Variants in SHISA6 observed in about 807,000 individuals in gnomAD.
SHISA6 encodes the protein shisa family member 6.
In SHISA6, 22 loss-of-function variants were observed where a neutral mutation model predicts 47.9. The observed-to-expected ratio is 0.46, with a 90% confidence interval of 0.33 to 0.66. The LOEUF (loss-of-function observed/expected upper bound fraction) is 0.66, where lower values mean the gene tolerates loss of function less well. Ranked by LOEUF, SHISA6 falls within the 30% of genes least tolerant of loss-of-function variation. SHISA6 has a pLI of 0.02. For missense variants in SHISA6, 680 were observed against 764.6 expected (o/e 0.89, Z 1.30); for synonymous variants, 388 against 337.8 (o/e 1.15, Z -1.63).
At chr17:11,326,455 A>G (rs138793199) in intron 2 of SHISA6, among the ~76,000 whole-genome samples, 2 of 152,196 alleles carry the variant, frequency 1.3e-5, no homozygotes, top group East Asian at 1.9e-4. Context: ...TAAACTCTCA[A>G]TGATGTAAAT....
chr17:11,302,937 T>A (rs912132924), intron 2 of SHISA6, among the ~76,000 whole-genome samples: 2 of 152,142 alleles, frequency 1.3e-5, no homozygotes, highest in African/African-American at 4.8e-5. Context: ...TGCTGGAGTT[T>A]CATTGAAGGC....
At chr17:11,316,867 A>T (rs1376919484) in intron 2 of SHISA6, among the ~76,000 whole-genome samples, 1 of 152,202 alleles carries the variant, frequency 6.6e-6, no homozygotes, top group African/African-American at 2.4e-5. Context: ...TATTTTTTAA[A>T]TGATGTGTAA....
chr17:11,243,222 G>T (rs12936513), intron 1 of SHISA6, among the ~76,000 whole-genome samples: 111,924 of 151,010 alleles, frequency 0.74, 46,436 homozygotes, highest in Non-Finnish European at 0.91. Context: ...CTTCCTCGCT[G>T]CTGTGCACAT....
Position 11,558,248 on chromosome 17 carries a change from T to C in SHISA6, c.1600T>C (p.Tyr534His). The stretch of plus-strand genomic sequence containing the variant: ...ACACAACACGGTGGAGCAGCTGCAC[T>C]ACATCCCGGGCCACCACACCTGCTA... ...RRHNTVEQLHYIPGHHTCYTA... is the reference protein window; with the variant it reads ...RRHNTVEQLHHIPGHHTCYTA... The change falls in exon 6 of 6, where the codon TAC (tyrosine) becomes CAC (histidine). Residue 534 changes from tyrosine to histidine, a missense_variant. Physicochemically the swap from Tyr to His is moderately conservative, Grantham distance 83. Coordinates refer to ENST00000441885, the MANE Select transcript of SHISA6 (RefSeq NM_207386.4). 1 of 1,539,996 alleles carries C rather than the reference T, an allele frequency of 6.5e-7. No individual in the cohort carries two copies. The highest frequency in any genetic ancestry group is 8.7e-7 in the Non-Finnish European group (1 of 1,146,940).
chr17:11,248,750 A>G (rs183827605), intron 1 of SHISA6, among the ~76,000 whole-genome samples: 1 of 152,188 alleles, frequency 6.6e-6, no homozygotes, highest in Non-Finnish European at 1.5e-5. Flanking sequence ...GGTCTGAGTA[A>G]TGCGGACTAT....
In SHISA6 at chr17:11,241,433, G is replaced by GGCGCCTCCTGCTGCTGCTGCT; in HGVS notation, c.14_34dup (p.Arg5_Leu11dup). The GGCGCCTCCTGCTGCTGCTGCT allele has an allele frequency of 8.4e-7, 1 of 1,185,428 alleles. No homozygotes were observed. The highest frequency in any genetic ancestry group is 1.8e-5 in the South Asian group (1 of 56,782). The allele number at this position is 1,185,428 out of a possible 1,614,324, so 73.4% of individuals were successfully genotyped here. On this transcript the variant is annotated inframe_insertion, in exon 1 of 6. Coordinates refer to ENST00000441885, the MANE Select transcript of SHISA6 (RefSeq NM_207386.4). The surrounding 1 kb of genome is among the most constrained non-coding windows in gnomAD (Gnocchi z 5.5). ...CCGCCCGGCCCCGCCATGGCGCTGCGGCGCCTCCTGCTGCTGCTGCTGCTC... is the reference window on the plus strand; with the variant it reads ...CCGCCCGGCCCCGCCATGGCGCTGCGGCGCCTCCTGCTGCTGCTGCTGCGCCTCCTGCTGCTGCTGCTGCTC...
In SHISA6 at chr17:11,305,027, T is replaced by C. The variant is rs576216981; in HGVS notation, c.799+41501T>C. 2.6e-5 allele frequency among the ~76,000 whole-genome samples: 4 copies of C among 152,362 alleles called. No homozygotes were observed. The East Asian group carries it at 5.8e-4, about 22-fold the overall frequency. On this transcript the variant is annotated intron_variant, in intron 2 of 5. Transcript: ENST00000441885. ...GTCCTTCCACAGTTACAAGACTAGA[T>C]GTCACATTGACCTGTGGTGTTGGGG...
At chr17:11,290,273 A>G (rs1909477047) in intron 2 of SHISA6, 1 of 152,098 alleles carries the variant, frequency 6.6e-6, no homozygotes, top group Non-Finnish European at 1.5e-5. Context: ...ATGGGCACTT[A>G]AGAGTATCTT....
chr17:11,516,016 G>A (rs181588913), intron 3 of SHISA6, among the ~76,000 whole-genome samples: 1 of 152,290 alleles, frequency 6.6e-6, no homozygotes, highest in East Asian at 1.9e-4. Flanking sequence ...GGGAGTGCCA[G>A]GGATTCTCTC....
chr17:11,442,843 C>T lies in SHISA6; in HGVS notation c.895+63334C>T, dbSNP rs553512308. ...TGCAGTGATGTGGGACTGGGCTGGCCTTGGGCGTCCAGTTTAATGATGTCT... is the reference window on the plus strand; with the variant it reads ...TGCAGTGATGTGGGACTGGGCTGGCTTTGGGCGTCCAGTTTAATGATGTCT... On this transcript the variant is annotated intron_variant, in intron 3 of 5. Transcript: ENST00000441885. Among the ~76,000 whole-genome samples, 480 of 152,220 alleles carry T rather than the reference C, an allele frequency of 3.2e-3. 2 individuals carry two copies. The highest frequency in any genetic ancestry group is 5.1e-3 in the Non-Finnish European group (345 of 68,024).
intron 3 of SHISA6, among the ~76,000 whole-genome samples, chr17:11,400,908 T>C (rs1567595668): frequency 6.6e-6 from 1 of 152,242 alleles, no homozygotes; most frequent in Admixed American, 6.5e-5. Context: ...CTTGCATTTT[T>C]CTGTGTACTT....
At chr17:11,386,294 G>T (rs1040998245) in intron 3 of SHISA6, among the ~76,000 whole-genome samples, 2 of 152,168 alleles carry the variant, frequency 1.3e-5, no homozygotes, top group Non-Finnish European at 2.9e-5. Context: ...AGAATCACTT[G>T]AACTCGGGAG....
rs150089991 is a variant in SHISA6, at chr17:11,385,309, G to T, written c.895+5800G>T. 6.6e-3 allele frequency among the ~76,000 whole-genome samples: 1,005 copies of T among 152,262 alleles called. 6 individuals are homozygous for T. The highest frequency in any genetic ancestry group is 0.021 in the African/African-American group (881 of 41,544). The stretch of plus-strand genomic sequence containing the variant: ...GCTTTGCCTACCTGGCTTGTGTGGG[G>T]CGCAGCAATGAGGCTGGAACAGAAG... On this transcript the variant is annotated intron_variant, in intron 3 of 5. Coordinates refer to ENST00000441885, the MANE Select transcript of SHISA6 (RefSeq NM_207386.4).
intron 3 of SHISA6, among the ~76,000 whole-genome samples, chr17:11,458,455 C>T (rs544914807): frequency 7.2e-5 from 11 of 152,212 alleles, no homozygotes; most frequent in African/African-American, 9.6e-5. Context: ...AAGCAGACGC[C>T]GAAGAAGGAG....
intron 2 of SHISA6, among the ~76,000 whole-genome samples, chr17:11,330,535 CA>C (rs1911064490): frequency 6.7e-6 from 1 of 148,252 alleles, no homozygotes; most frequent in South Asian, 2.1e-4. Flanking sequence ...ATAGGAAAGA[CA>C]GGGAAAAGAC....
intron 3 of SHISA6, among the ~76,000 whole-genome samples, chr17:11,418,726 G>T (rs1914359319): frequency 1.3e-5 from 2 of 152,182 alleles, no homozygotes; most frequent in Non-Finnish European, 2.9e-5. Flanking sequence ...TTGTTGAAAA[G>T]GCTGATGTGA....
At chr17:11,483,656 CCTAA>C (rs199995563) in intron 3 of SHISA6, among the ~76,000 whole-genome samples, 1,739 of 152,216 alleles carry the variant, frequency 0.011, 41 homozygotes, top group African/African-American at 0.04. Flanking sequence ...ATCTAACAGT[CCTAA>C]CTATTTACAC....
chr17:11,554,662 C>T (rs1296993663), intron 4 of SHISA6, among the ~76,000 whole-genome samples: 2 of 152,174 alleles, frequency 1.3e-5, no homozygotes, highest in African/African-American at 4.8e-5. Context: ...AGACTATAGC[C>T]TTCCAACTGC....
At chr17:11,533,079 T>C (rs1333557109) in intron 3 of SHISA6, among the ~76,000 whole-genome samples, 1 of 152,148 alleles carries the variant, frequency 6.6e-6, no homozygotes, top group Non-Finnish European at 1.5e-5. Context: ...AAATGCTGTA[T>C]CCAACAACCA....
Sources: gnomAD v4.1 joint callset for allele counts (sites outside exome capture counted in the v4.1 genomes callset) on GRCh38, gnomAD v4.1.1 for gene constraint, Gnocchi (gnomAD v3.1) non-coding constraint, MANE v1.5 for transcripts, NCBI Gene and HGNC (gene_info 2026-07-23, HGNC 2026-07-21) for gene names.